The following SLC15A5 variants were observed in gnomAD, a reference collection of about 807,000 sequenced individuals.
SLC15A5 encodes the protein solute carrier family 15 member 5.
In SLC15A5, 58 loss-of-function variants were observed where a neutral mutation model predicts 56.1. The observed-to-expected ratio is 1.03, with a 90% CI of 0.84 to 1.29. SLC15A5 has a LOEUF of 1.29. SLC15A5 is among the 50% of genes most tolerant of loss of function. SLC15A5 has a pLI of 0.00. For missense variants in SLC15A5, 681 were observed against 672.1 expected (o/e 1.01, Z -0.15); for synonymous variants, 264 against 250.5 (o/e 1.05, Z -0.51).
intron 3 of SLC15A5, among the ~76,000 whole-genome samples, chr12:16,245,981 G>A (rs1217634032): frequency 2.0e-5 from 3 of 152,146 alleles, no homozygotes; most frequent in African/African-American, 4.8e-5. Context: ...GACCCATTAT[G>A]TCAGCCTTTG....
intron 7 of SLC15A5, among the ~76,000 whole-genome samples, chr12:16,195,163 T>G (rs1300180588): frequency 6.6e-6 from 1 of 152,072 alleles, no homozygotes; most frequent in African/African-American, 2.4e-5. Context: ...GCTTCTAAGT[T>G]TTGACTTTTG....
In SLC15A5 at chr12:16,243,094, C is replaced by T. The variant is rs1184167723; in HGVS notation, c.975+1486G>A. The stretch of plus-strand genomic sequence containing the variant: ...GTTCCGTGGCAATTACTCAACTCTG[C>T]TATTTTTGTGCATAAGCAGACATAG... On this transcript the variant is annotated intron_variant, in intron 4 of 8. Coordinates refer to ENST00000344941, the MANE Select transcript of SLC15A5 (RefSeq NM_001170798.1). The surrounding 1 kb of genome is among the most constrained non-coding windows in gnomAD (Gnocchi z 4.4). 6.6e-6 allele frequency among the ~76,000 whole-genome samples: 1 copy of T among 152,122 alleles called. No homozygotes were observed. Among genetic ancestry groups the T allele is most frequent in the African/African-American group, 2.4e-5 (1 of 41,426 alleles).
At chr12:16,216,678 A>T (rs969436665) in intron 7 of SLC15A5, among the ~76,000 whole-genome samples, 1 of 152,194 alleles carries the variant, frequency 6.6e-6, no homozygotes, top group African/African-American at 2.4e-5. Context: ...ACAGCATGAC[A>T]TTCTGTAATT....
At chr12:16,208,582 C>T (rs1242849677) in intron 7 of SLC15A5, among the ~76,000 whole-genome samples, 1 of 152,052 alleles carries the variant, frequency 6.6e-6, no homozygotes, top group African/African-American at 2.4e-5. Context: ...CAGGAGGATC[C>T]TTTGAGCCCA....
At chr12:16,239,114 G>A (rs1043420245) in intron 5 of SLC15A5, among the ~76,000 whole-genome samples, 11 of 152,174 alleles carry the variant, frequency 7.2e-5, no homozygotes, top group Admixed American at 2.0e-4. Context: ...TTCCCTGATG[G>A]TGTCGAAGGA....
At chr12:16,238,888 G>A (rs892761673) in intron 5 of SLC15A5, among the ~76,000 whole-genome samples, 1 of 152,098 alleles carries the variant, frequency 6.6e-6, no homozygotes, top group African/African-American at 2.4e-5. Context: ...TCTGGACTAC[G>A]TTCTGGGCAC....
At chr12:16,201,332 C>T (rs562077246) in intron 7 of SLC15A5, among the ~76,000 whole-genome samples, 60 of 152,268 alleles carry the variant, frequency 3.9e-4, no homozygotes, top group African/African-American at 1.4e-3. Flanking sequence ...CACTACCTGA[C>T]TTCAAAATAT....
intron 4 of SLC15A5, among the ~76,000 whole-genome samples, chr12:16,242,862 G>A (rs751443741): frequency 2.6e-5 from 4 of 152,052 alleles, no homozygotes; most frequent in African/African-American, 7.2e-5. Flanking sequence ...ACTGTTTATC[G>A]GTTCCTCCAA....
intron 6 of SLC15A5, among the ~76,000 whole-genome samples, chr12:16,223,280 G>A (rs113982646): frequency 1.3e-3 from 196 of 152,260 alleles, no homozygotes; most frequent in African/African-American, 4.5e-3. Flanking sequence ...TTGATAGAAT[G>A]GGAGAGATAA....
At chr12:16,256,286 A>G (rs1235483114) in intron 3 of SLC15A5, among the ~76,000 whole-genome samples, 2 of 152,238 alleles carry the variant, frequency 1.3e-5, no homozygotes, top group Non-Finnish European at 2.9e-5. Flanking sequence ...AGGAAGAAAT[A>G]TAGAATATGA....
intron 2 of SLC15A5, among the ~76,000 whole-genome samples, chr12:16,268,917 T>C (rs1591662106): frequency 2.2e-5 from 1 of 46,080 alleles, no homozygotes; most frequent in Non-Finnish European, 4.4e-5. Context: ...TATTAGGGAG[T>C]GGTGTATTTG....
chr12:16,242,984 A>C (rs1053620807), intron 4 of SLC15A5, among the ~76,000 whole-genome samples: 1 of 152,218 alleles, frequency 6.6e-6, no homozygotes, highest in Admixed American at 6.5e-5. Flanking sequence ...AATCTTCTAA[A>C]TCAGACTAGC....
intron 7 of SLC15A5, among the ~76,000 whole-genome samples, chr12:16,205,413 T>C (rs904634120): frequency 6.6e-6 from 1 of 151,428 alleles, no homozygotes; most frequent in Non-Finnish European, 1.5e-5. Context: ...TCCAGGATTC[T>C]AGTCTAAGGC....
In SLC15A5 at chr12:16,189,543, A is replaced by G; in HGVS notation, c.*125T>C. Reference sequence around the variant, plus strand: ...TAATTAGTCTTTGTAAATAAAGTATACAGATGATATTTGTAAAATCACCTC... The same window carrying G: ...TAATTAGTCTTTGTAAATAAAGTATGCAGATGATATTTGTAAAATCACCTC... On this transcript the variant is annotated 3_prime_UTR_variant, in exon 9 of 9. Transcript: ENST00000344941. The G allele has an allele frequency of 6.7e-6, 5 of 748,514 alleles. No individual in the cohort carries two copies. Among genetic ancestry groups the G allele is most frequent in the Admixed American group, 4.0e-5 (1 of 24,740 alleles). The allele number at this position is 748,514 out of a possible 1,614,324, so 46.4% of individuals were successfully genotyped here. A position where few individuals can be genotyped will look rare whatever the true frequency, so the allele number is the denominator to read the frequency against.
intron 3 of SLC15A5, among the ~76,000 whole-genome samples, chr12:16,255,968 G>A: frequency 6.6e-6 from 1 of 152,142 alleles, no homozygotes; most frequent in Non-Finnish European, 1.5e-5. Flanking sequence ...TTATCTGAAC[G>A]ACTAAGGTAC....
At chr12:16,219,756 A>AT (rs11377108) in intron 6 of SLC15A5, among the ~76,000 whole-genome samples, 84,185 of 151,616 alleles carry the variant, frequency 0.56, 23,627 homozygotes, top group South Asian at 0.73. Context: ...CATCAATTTG[A>AT]TTTTTTTTAG....
intron 3 of SLC15A5, among the ~76,000 whole-genome samples, chr12:16,245,173 G>A (rs1047916347): frequency 6.6e-6 from 1 of 152,066 alleles, no homozygotes; most frequent in African/African-American, 2.4e-5. Context: ...TTAACACAAA[G>A]AACTAGTACT....
chr12:16,234,741 A>G (rs1328076978), intron 5 of SLC15A5, among the ~76,000 whole-genome samples: 1 of 152,172 alleles, frequency 6.6e-6, no homozygotes, highest in Non-Finnish European at 1.5e-5. Context: ...TAATTTTCCA[A>G]ATTAGTCTAC....
rs533926686 is a variant in SLC15A5, at chr12:16,235,995, G to A, written c.1162+3686C>T. 2.0e-5 allele frequency among the ~76,000 whole-genome samples: 3 copies of A among 152,014 alleles called. No homozygotes were observed. Among genetic ancestry groups the A allele is most frequent in the East Asian group, 1.9e-4 (1 of 5,188 alleles). ...TTTTATTTTAAAGAAAAAAGGTATT[G>A]CAGTTATGTGAATATATTTCATCTA... On this transcript the variant is annotated intron_variant, in intron 5 of 8. Transcript: ENST00000344941. The surrounding 1 kb of genome is among the most constrained non-coding windows in gnomAD (Gnocchi z 4.1).
Sources: allele counts gnomAD v4.1 joint callset (sites outside exome capture counted in the v4.1 genomes callset), GRCh38; gene constraint gnomAD v4.1.1; non-coding constraint Gnocchi (gnomAD v3.1); transcripts MANE v1.5; gene names NCBI Gene and HGNC (gene_info 2026-07-23, HGNC 2026-07-21).